The following ADSS1 variants were observed in gnomAD, a reference collection of about 807,000 sequenced individuals.
ADSS1 encodes adenylosuccinate synthase 1.
In ADSS1, 57 loss-of-function variants were observed where a neutral mutation model predicts 59.1. The ratio of observed to expected loss-of-function variants is 0.97; its 90% CI spans 0.78 to 1.20. ADSS1 has a LOEUF of 1.20. Among genes scored for constraint, ADSS1 ranks in the 50% most tolerant of loss-of-function variants. ADSS1 has a pLI of 0.00. For missense variants in ADSS1, 603 were observed against 610.3 expected (o/e 0.99, Z 0.13); for synonymous variants, 247 against 249.4 (o/e 0.99, Z 0.09).
intron 1 of ADSS1, 143 bp downstream of exon 1, chr14:104,724,605 A>G (rs117084961): frequency 0.017 from 18,910 of 1,106,510 alleles, 234 homozygotes; most frequent in South Asian, 0.041. Context: ...TCCCAGGGCC[A>G]CCCCACCCAC....
At chr14:104,728,732 T>C (rs1188679549) in intron 1 of ADSS1, among the ~76,000 whole-genome samples, 1 of 152,214 alleles carries the variant, frequency 6.6e-6, no homozygotes, top group African/African-American at 2.4e-5. Flanking sequence ...CCCCCTGCGC[T>C]TGCCACTCTG....
intron 2 of ADSS1, chr14:104,738,137 C>T (rs1891195058): frequency 8.4e-6 from 3 of 356,344 alleles, no homozygotes; most frequent in South Asian, 8.1e-5. Flanking sequence ...GCTGAGATTA[C>T]AGGCATGCGC....
Position 104,740,728 on chromosome 14 carries a change from TC to T in ADSS1, c.584+24del, listed in dbSNP as rs771131106. 3 of 1,613,300 alleles carry T rather than the reference TC, an allele frequency of 1.9e-6. No homozygotes were observed. Among genetic ancestry groups the T allele is most frequent in the Non-Finnish European group, 2.5e-6 (3 of 1,179,628 alleles). ...CTCCAGGTACCTGAGCCGTCTGCAG[TC>T]CCCGGGGAGGATGGGGAGAAGTTGC... On this transcript the variant is annotated intron_variant, in intron 6 of 12. Coordinates refer to ENST00000330877, the MANE Select transcript of ADSS1 (RefSeq NM_152328.5). The surrounding 1 kb of genome is among the most constrained non-coding windows in gnomAD (Gnocchi z 4.8).
At chr14:104,737,192 C>T (rs372616686) in intron 2 of ADSS1, 2 of 152,070 alleles carry the variant, frequency 1.3e-5, no homozygotes, top group South Asian at 2.1e-4. Context: ...ACTATAGTAT[C>T]GTACAGAATT....
chr14:104,735,023 G>A lies in ADSS1; in HGVS notation c.196G>A (p.Gly66Ser). 6.2e-7 allele frequency: 1 copy of A among 1,612,790 alleles called. No individual in the cohort carries two copies. Among genetic ancestry groups the A allele is most frequent in the Non-Finnish European group, 8.5e-7 (1 of 1,179,098 alleles). ...DADIISRCQG[G>S]NNAGHTVVVD... is the part of the protein sequence containing the mutation. ...CTCAGCCGGGTTTCTGTTCCAGGGG[G>A]GCAACAACGCCGGCCACACGGTGGT... The change falls in exon 2 of 13, where the codon GGC (glycine) becomes AGC (serine). Residue 66 changes from glycine to serine, a missense_variant. Physicochemically the swap from Gly to Ser is moderately conservative, Grantham distance 56. Transcript: ENST00000330877.
rs146202938 is a variant in ADSS1 at position 104,740,808 on chromosome 14, CAG to C, written c.585-30_585-29del. 6.0e-3 allele frequency: 9,641 copies of C among 1,613,484 alleles called. 397 individuals carry two copies. In the African/African-American group the frequency reaches 0.1, roughly 17 times the overall value. ...CCCTGAGGACCAGCATGGACCATGA[CAG>C]GGGGTGATGATGACTGTCCCTTGTG... On this transcript the variant is annotated intron_variant, in intron 6 of 12. Coordinates refer to ENST00000330877, the MANE Select transcript of ADSS1 (RefSeq NM_152328.5). The surrounding 1 kb of genome is among the most constrained non-coding windows in gnomAD (Gnocchi z 4.8).
At chr14:104,730,454 C>T (rs1018946932) in intron 1 of ADSS1, among the ~76,000 whole-genome samples, 1 of 152,142 alleles carries the variant, frequency 6.6e-6, no homozygotes, top group Non-Finnish European at 1.5e-5. Flanking sequence ...CACACCATTG[C>T]ACTCCAACCT....
chr14:104,739,385 T>C lies in ADSS1; in HGVS notation c.409+7T>C. 1 of 1,603,018 alleles carries C rather than the reference T, an allele frequency of 6.2e-7. No homozygotes were observed. Among genetic ancestry groups the C allele is most frequent in the Non-Finnish European group, 8.5e-7 (1 of 1,175,146 alleles). ...TCTGACAGAGCCCACCTTGGTACGT[T>C]TCCCACTGGAGTACAGGGAACAGCC... On this transcript the variant is annotated splice_region_variant and intron_variant, in intron 4 of 12. Coordinates refer to ENST00000330877, the MANE Select transcript of ADSS1 (RefSeq NM_152328.5).
chr14:104,733,514 A>C (rs994977122), intron 1 of ADSS1, among the ~76,000 whole-genome samples: 1 of 152,104 alleles, frequency 6.6e-6, no homozygotes, highest in Non-Finnish European at 1.5e-5. Context: ...GCTAGTGCAG[A>C]GGGAGGGGGC....
chr14:104,733,224 C>T (rs137933552), intron 1 of ADSS1, among the ~76,000 whole-genome samples: 231 of 152,318 alleles, frequency 1.5e-3, no homozygotes, highest in African/African-American at 4.8e-3. Context: ...AGCACCGCCC[C>T]GCCCAGAGCC....
intron 9 of ADSS1, 70 bp downstream of exon 9, chr14:104,742,072 G>T (rs1566801796): frequency 1.3e-6 from 2 of 1,579,998 alleles, no homozygotes; most frequent in South Asian, 1.2e-5. Context: ...GGGGTGGGGT[G>T]AGCAGTGCCA....
chr14:104,736,049 G>A (rs1411689701), intron 2 of ADSS1, among the ~76,000 whole-genome samples: 2 of 152,222 alleles, frequency 1.3e-5, no homozygotes, highest in African/African-American at 4.8e-5. Flanking sequence ...CCCATTCAAT[G>A]TGAGCAGAGG....
At chr14:104,725,560 G>T (rs1048701470) in intron 1 of ADSS1, among the ~76,000 whole-genome samples, 1 of 152,124 alleles carries the variant, frequency 6.6e-6, no homozygotes, top group Non-Finnish European at 1.5e-5. Flanking sequence ...TGGCTTCCTA[G>T]AAAGTTCTTC....
intron 1 of ADSS1, chr14:104,730,317 C>T (rs1239128332): frequency 3.2e-6 from 4 of 1,251,156 alleles, no homozygotes; most frequent in Middle Eastern, 2.9e-4. Context: ...AAGTGAAACC[C>T]GGTTTCTACT....
At chr14:104,728,170 C>A (rs1479979455) in intron 1 of ADSS1, among the ~76,000 whole-genome samples, 2 of 152,138 alleles carry the variant, frequency 1.3e-5, no homozygotes, top group Admixed American at 1.3e-4. Context: ...TTCCAAGGGG[C>A]CATCAGGTAA....
rs866452780 is a variant in ADSS1 at position 104,724,649 on chromosome 14, C to T, written c.192+187C>T. Reference sequence around the variant, plus strand: ...ACGCACCACTCACACAACCCCCGACCCACACACACCGCCCTCCTTCCACCC... The same window carrying T: ...ACGCACCACTCACACAACCCCCGACTCACACACACCGCCCTCCTTCCACCC... On this transcript the variant is annotated intron_variant, in intron 1 of 12. Coordinates refer to ENST00000330877, the MANE Select transcript of ADSS1 (RefSeq NM_152328.5). Among the ~76,000 whole-genome samples the T allele has an allele frequency of 2.0e-5, 3 of 152,038 alleles. No individual in the cohort carries two copies. In the South Asian group the frequency reaches 6.2e-4, roughly 32 times the overall value.
chr14:104,731,146 C>G (rs1005376270), intron 1 of ADSS1, among the ~76,000 whole-genome samples: 1 of 152,174 alleles, frequency 6.6e-6, no homozygotes, highest in Non-Finnish European at 1.5e-5. Context: ...GTACAGGTCA[C>G]TCAAGGCAGG....
intron 12 of ADSS1, 54 bp downstream of exon 12, chr14:104,746,439 G>A: frequency 6.4e-7 from 1 of 1,572,278 alleles, no homozygotes; most frequent in Non-Finnish European, 8.7e-7. Flanking sequence ...GCCCCAAGGG[G>A]CCCACATCCC....
chr14:104,745,003 C>T, intron 11 of ADSS1, 94 bp downstream of exon 11: 1 of 1,096,894 alleles, frequency 9.1e-7, no homozygotes, highest in Non-Finnish European at 1.3e-6. Flanking sequence ...GGTGAGTTCC[C>T]ACGTTCACAG....
Sources: allele counts gnomAD v4.1 joint callset (sites outside exome capture counted in the v4.1 genomes callset), GRCh38; gene constraint gnomAD v4.1.1; non-coding constraint Gnocchi (gnomAD v3.1); transcripts MANE v1.5; gene names NCBI Gene and HGNC (gene_info 2026-07-23, HGNC 2026-07-21).